The following MAP4K5 variants were observed in gnomAD, a reference collection of about 807,000 sequenced individuals.
MAP4K5 encodes mitogen-activated protein kinase kinase kinase kinase 5, also known as MAPK/ERK kinase kinase kinase 5.
Under a neutral mutation model 135.6 loss-of-function variants are expected in MAP4K5, and 82 were observed. The ratio of observed to expected loss-of-function variants is 0.60; its 90% confidence interval spans 0.51 to 0.73. The LOEUF is 0.73. MAP4K5 is among the 30% of genes least tolerant of loss of function. The probability of loss-of-function intolerance (pLI) is 0.00; values close to 1 mark genes in which losing one functional copy is unlikely to be tolerated. For missense variants in MAP4K5, 907 were observed against 1,010.9 expected (o/e 0.90, Z 1.39); for synonymous variants, 347 against 335.0 (o/e 1.04, Z -0.39).
intron 1 of MAP4K5, among the ~76,000 whole-genome samples, chr14:50,554,469 G>A (rs1595575069): frequency 6.6e-6 from 1 of 152,324 alleles, no homozygotes; most frequent in South Asian, 2.1e-4. Context: ...TTGGTGGGAA[G>A]AATATAAAGA....
chr14:50,510,240 G>C (rs2140042873), intron 2 of MAP4K5, among the ~76,000 whole-genome samples: 1 of 152,232 alleles, frequency 6.6e-6, no homozygotes, highest in South Asian at 2.1e-4. Flanking sequence ...TGAGAGTTTG[G>C]AACAATTAAT....
upstream of MAP4K5, among the ~76,000 whole-genome samples, chr14:50,534,702 C>T (rs1354301133): frequency 6.6e-6 from 1 of 152,198 alleles, no homozygotes; most frequent in African/African-American, 2.4e-5. Flanking sequence ...AGTCGAGACT[C>T]TATGTGTCTG....
intron 2 of MAP4K5, among the ~76,000 whole-genome samples, chr14:50,529,010 T>C (rs934246039): frequency 3.9e-5 from 6 of 152,158 alleles, no homozygotes; most frequent in Non-Finnish European, 7.4e-5. Flanking sequence ...TACTATAAAA[T>C]AGTTTTTCAG....
chr14:50,473,560 C>T (rs2037021017), intron 9 of MAP4K5, among the ~76,000 whole-genome samples: 2 of 151,962 alleles, frequency 1.3e-5, no homozygotes, highest in Non-Finnish European at 2.9e-5. Flanking sequence ...TTTTTACTTG[C>T]CTTTTAATTT....
At chr14:50,445,987 A>C in intron 17 of MAP4K5, 92 bp downstream of exon 17, 3 of 754,188 alleles carry the variant, frequency 4.0e-6, no homozygotes, top group Non-Finnish European at 6.1e-6. Context: ...AAATACATTT[A>C]AGAAAATTTT....
chr14:50,554,109 G>GT (rs369844075), intron 1 of MAP4K5, among the ~76,000 whole-genome samples: 4,638 of 146,332 alleles, frequency 0.032, 193 homozygotes, highest in Admixed American at 0.11. Context: ...TTTTTAAAAA[G>GT]TTTTTTTTTT....
chr14:50,498,310 T>C (rs919735846), intron 3 of MAP4K5, among the ~76,000 whole-genome samples: 2 of 152,240 alleles, frequency 1.3e-5, no homozygotes, highest in African/African-American at 4.8e-5. Context: ...AGTCAAACTC[T>C]ATTTAATGTT....
intron 31 of MAP4K5, among the ~76,000 whole-genome samples, chr14:50,425,601 G>A (rs1005437240): frequency 6.6e-6 from 1 of 152,028 alleles, no homozygotes; most frequent in African/African-American, 2.4e-5. Context: ...ATAGATTATG[G>A]AAAACACTTA....
rs186728975 is a variant in MAP4K5, at chr14:50,539,937, A to G, written c.-94+2562T>C. On this transcript the variant is annotated intron_variant, in intron 2 of 8. Transcript: ENST00000555216. ...GATGGGATGTTGGATTTGCTCTGTT[A>G]TAGTCATTCTGCTTAGTCAAACTCT... Among the ~76,000 whole-genome samples, 454 of 152,264 alleles carry G rather than the reference A, an allele frequency of 3.0e-3. 1 individual carries two copies. The highest frequency in any genetic ancestry group is 3.2e-3 in the Non-Finnish European group (220 of 68,030).
In MAP4K5 at chr14:50,440,015, G is replaced by A; in HGVS notation, c.1703C>T (p.Ser568Leu). The change falls in exon 23 of 33, where the codon TCA (serine) becomes TTA (leucine). Residue 568 changes from serine to leucine, a missense_variant and splice_region_variant. Ser to Leu is a moderately radical substitution (Grantham distance 145). Coordinates refer to ENST00000682126, the MANE Select transcript of MAP4K5 (RefSeq NM_006575.6). ...YVINNTLMSLSEGKTFQLYSH... is the reference protein window; with the variant it reads ...YVINNTLMSLLEGKTFQLYSH... ...ATTTTTCATCATCACATACATACCTGATAATGACATTAAAGTATTATTGAT... is the reference window on the plus strand; with the variant it reads ...ATTTTTCATCATCACATACATACCTAATAATGACATTAAAGTATTATTGAT... 1 of 1,546,266 alleles carries A rather than the reference G, an allele frequency of 6.5e-7. No individual in the cohort carries two copies. The highest frequency in any genetic ancestry group is 8.8e-7 in the Non-Finnish European group (1 of 1,135,082).
chr14:50,437,610 G>C (rs1286575869), intron 25 of MAP4K5, 76 bp from the exon 26 acceptor site: 1 of 1,006,300 alleles, frequency 9.9e-7, no homozygotes, highest in African/African-American at 1.6e-5. Context: ...AGTTGCATCA[G>C]AATCAGACAG....
intron 21 of MAP4K5, among the ~76,000 whole-genome samples, chr14:50,441,275 G>C (rs1259818421): frequency 6.6e-6 from 1 of 151,912 alleles, no homozygotes; most frequent in Non-Finnish European, 1.5e-5. Flanking sequence ...AATCAGAAAG[G>C]AAAAAATAGT....
At chr14:50,479,010 T>A (rs1360946738) in intron 6 of MAP4K5, among the ~76,000 whole-genome samples, 1 of 150,014 alleles carries the variant, frequency 6.7e-6, no homozygotes, top group African/African-American at 2.4e-5. Flanking sequence ...TTTTCGTTTT[T>A]TTTTTTTTTG....
rs1451978393 is a variant in MAP4K5, at chr14:50,445,170, C to T, written c.1210G>A (p.Asp404Asn). Residue 404 changes from aspartate (D) to asparagine (N), a missense_variant, in exon 18 of 33, where the codon GAC becomes AAC. By Grantham distance (23) the Asp-to-Asn change is conservative (BLOSUM62 1). Coordinates refer to ENST00000682126, the MANE Select transcript of MAP4K5 (RefSeq NM_006575.6). ...GCTTTTTCTTCATCCGGAAAGTTGT[C>T]TTCAGGGTAACTGCTTATCCTTGGC... is the stretch of plus-strand genomic sequence containing the variant. ...PKPRISSYPE[D>N]NFPDEEKAST... 1.2e-6 allele frequency: 2 copies of T among 1,613,294 alleles called. No individual in the cohort carries two copies. The highest frequency in any genetic ancestry group is 1.3e-5 in the African/African-American group (1 of 74,896).
chr14:50,499,624 C>CCGCAG (rs2037665794), intron 3 of MAP4K5, among the ~76,000 whole-genome samples: 1 of 151,266 alleles, frequency 6.6e-6, no homozygotes, highest in African/African-American at 2.4e-5. Flanking sequence ...TGCCACTGCA[C>CCGCAG]TCCAGCCTGG....
At chr14:50,469,865 A>T (rs573689841) in intron 9 of MAP4K5, among the ~76,000 whole-genome samples, 1 of 152,308 alleles carries the variant, frequency 6.6e-6, no homozygotes, top group African/African-American at 2.4e-5. Flanking sequence ...ATTTGAATTG[A>T]ATATCCACAA....
upstream of MAP4K5, among the ~76,000 whole-genome samples, chr14:50,533,580 T>G (rs2038451456): frequency 6.6e-6 from 1 of 152,166 alleles, no homozygotes; most frequent in Admixed American, 6.5e-5. Flanking sequence ...AAGTTGCCAG[T>G]GTTACATTAT....
At chr14:50,504,731 G>GGAA in intron 3 of MAP4K5, 69 bp downstream of exon 3, 1 of 1,119,772 alleles carries the variant, frequency 8.9e-7, no homozygotes, top group African/African-American at 1.6e-5. Flanking sequence ...ACTTCTTCTG[G>GGAA]GAAGAAGGGA....
intron 6 of MAP4K5, among the ~76,000 whole-genome samples, chr14:50,482,075 C>G (rs2037255122): frequency 6.6e-6 from 1 of 152,190 alleles, no homozygotes; most frequent in South Asian, 2.1e-4. Flanking sequence ...AGGAGAATAC[C>G]TCACATGACC....
Sources: allele counts gnomAD v4.1 joint callset (sites outside exome capture counted in the v4.1 genomes callset), GRCh38; gene constraint gnomAD v4.1.1; transcripts MANE v1.5; gene names NCBI Gene and HGNC (gene_info 2026-07-23, HGNC 2026-07-21).